Variants in CREB5 observed in about 807,000 individuals in gnomAD.
The protein encoded by CREB5 is cAMP responsive element binding protein 5.
A neutral mutation model predicts 57.1 loss-of-function variants in CREB5; 19 were observed. The observed-to-expected ratio is 0.33, with a 90% CI of 0.23 to 0.49. CREB5 has a LOEUF of 0.49. Ranked by LOEUF, CREB5 falls within the 20% of genes least tolerant of loss-of-function variation. The probability of loss-of-function intolerance (pLI) is 0.99; values close to 1 mark genes in which losing one functional copy is unlikely to be tolerated. For synonymous variants in CREB5, 238 were observed against 238.3 expected (o/e 1.00, Z 0.01); for missense variants, 579 against 671.6 (o/e 0.86, Z 1.52).
intron 4 of CREB5, among the ~76,000 whole-genome samples, chr7:28,560,894 G>C (rs1197901947): frequency 2.2e-5 from 1 of 45,820 alleles, no homozygotes; most frequent in Non-Finnish European, 3.8e-5. Context: ...GTGCGTGTGT[G>C]TGCGTGCGCG....
At chr7:28,387,447 G>A (rs2127997155) in intron 1 of CREB5, among the ~76,000 whole-genome samples, 1 of 151,296 alleles carries the variant, frequency 6.6e-6, no homozygotes, top group Admixed American at 6.6e-5. Flanking sequence ...TTGTAAATTT[G>A]TCTAAGTTCC....
chr7:28,740,025 C>A (rs546257593), intron 7 of CREB5, among the ~76,000 whole-genome samples: 15 of 152,166 alleles, frequency 9.9e-5, no homozygotes, highest in Middle Eastern at 3.4e-3. Flanking sequence ...TTTAGGGAAG[C>A]CTGAGCCAGA....
chr7:28,455,849 C>T (rs1790072415), intron 1 of CREB5, among the ~76,000 whole-genome samples: 1 of 152,138 alleles, frequency 6.6e-6, no homozygotes, highest in Non-Finnish European at 1.5e-5. Context: ...GGGTGAGAGG[C>T]CTATTTGTGC....
At chr7:28,813,660 T>A (rs550606011) in intron 9 of CREB5, among the ~76,000 whole-genome samples, 1 of 152,348 alleles carries the variant, frequency 6.6e-6, no homozygotes, top group African/African-American at 2.4e-5. Flanking sequence ...GGATTTATCA[T>A]ATAAATAATG....
intron 5 of CREB5, among the ~76,000 whole-genome samples, chr7:28,690,396 G>T (rs1409144182): frequency 1.3e-5 from 2 of 152,176 alleles, no homozygotes; most frequent in African/African-American, 4.8e-5. Context: ...GCCCTCACAT[G>T]TTTCCCTTGG....
At chr7:28,663,727 C>G (rs184536839) in intron 5 of CREB5, among the ~76,000 whole-genome samples, 29 of 152,298 alleles carry the variant, frequency 1.9e-4, no homozygotes, top group African/African-American at 6.0e-4. Context: ...TGTTTGTGAT[C>G]TGTAATAGAT....
chr7:28,367,543 C>G (rs1050029021), intron 1 of CREB5, among the ~76,000 whole-genome samples: 6 of 152,220 alleles, frequency 3.9e-5, no homozygotes, highest in Non-Finnish European at 7.3e-5. Flanking sequence ...GGCACGGTAG[C>G]TCATACCTGT....
At chr7:28,765,207 T>C (rs189016557) in intron 7 of CREB5, among the ~76,000 whole-genome samples, 250 of 152,330 alleles carry the variant, frequency 1.6e-3, no homozygotes, top group African/African-American at 5.8e-3. Context: ...AGAAACTATG[T>C]ATGGATTTGA....
chr7:28,757,969 A>C (rs903291251), intron 7 of CREB5, among the ~76,000 whole-genome samples: 25 of 152,192 alleles, frequency 1.6e-4, no homozygotes, highest in Non-Finnish European at 3.1e-4. Context: ...CTGTAGTCCC[A>C]GTAGCAGTAG....
intron 3 of CREB5, among the ~76,000 whole-genome samples, chr7:28,503,103 G>C (rs1049160442): frequency 6.6e-6 from 1 of 152,184 alleles, no homozygotes; most frequent in Non-Finnish European, 1.5e-5. Flanking sequence ...GCATTGAGCC[G>C]TATGCTTGTC....
At position 28,643,967 on chromosome 7, in the gene CREB5, G is replaced by T. The variant is rs1236586637; in HGVS notation, c.464+73430G>T. 9.2e-5 allele frequency among the ~76,000 whole-genome samples: 14 copies of T among 151,944 alleles called. 1 individual carries two copies. On this transcript the variant is annotated intron_variant, in intron 5 of 10. Transcript: ENST00000357727. ...GGTGGTGTGTACCTATAGTCCAGCT[G>T]CTAGGGAGGCTGAGGTGGGAGAATT... is the stretch of plus-strand genomic sequence containing the variant.
chr7:28,772,841 G>C (rs114675675), intron 7 of CREB5, among the ~76,000 whole-genome samples: 1 of 152,208 alleles, frequency 6.6e-6, no homozygotes, highest in African/African-American at 2.4e-5. Flanking sequence ...ATTTTGGGGC[G>C]GGCAGAGTAA....
At chr7:28,359,224 T>TTA (rs1786410613) in intron 1 of CREB5, among the ~76,000 whole-genome samples, 1 of 136,606 alleles carries the variant, frequency 7.3e-6, no homozygotes, top group Non-Finnish European at 1.6e-5. Flanking sequence ...ACAAAACAAA[T>TTA]AAAAAAAAAA....
intron 1 of CREB5, among the ~76,000 whole-genome samples, chr7:28,430,406 T>A (rs980744494): frequency 1.3e-5 from 2 of 152,158 alleles, no homozygotes; most frequent in African/African-American, 4.8e-5. Flanking sequence ...TGAGTCTCAA[T>A]CTCTTCTTCT....
intron 1 of CREB5, among the ~76,000 whole-genome samples, chr7:28,443,690 C>T (rs1464445775): frequency 6.6e-6 from 1 of 152,132 alleles, no homozygotes; most frequent in East Asian, 1.9e-4. Flanking sequence ...AGGCTCTAGG[C>T]CACTAACTTG....
intron 4 of CREB5, among the ~76,000 whole-genome samples, chr7:28,553,959 T>A (rs896350342): frequency 3.9e-5 from 6 of 152,166 alleles, no homozygotes; most frequent in African/African-American, 1.2e-4. Flanking sequence ...CACTCCAGTT[T>A]CCAACAGTAA....
At chr7:28,405,364 C>T (rs1787555916) in intron 1 of CREB5, among the ~76,000 whole-genome samples, 1 of 152,154 alleles carries the variant, frequency 6.6e-6, no homozygotes, top group Non-Finnish European at 1.5e-5. Flanking sequence ...TGAGGAGAAG[C>T]CTTCTCTAGG....
In CREB5 at chr7:28,348,165, T is replaced by G. The variant is rs564097400; in HGVS notation, c.-25+48724T>G. On this transcript the variant is annotated intron_variant, in intron 1 of 9. Transcript: ENST00000396299. ...TTCGTGTGCACAGGATCACCGGTTA[T>G]CCATGTGGCTTCTTATTCCACAAGG... 4.2e-4 allele frequency among the ~76,000 whole-genome samples: 64 copies of G among 152,250 alleles called. 2 individuals carry two copies. The South Asian group carries it at 0.013, about 31-fold the overall frequency.
At chr7:28,786,300 G>A (rs998690469) in intron 7 of CREB5, among the ~76,000 whole-genome samples, 1 of 152,128 alleles carries the variant, frequency 6.6e-6, no homozygotes, top group East Asian at 1.9e-4. Flanking sequence ...AGGCTGGAGC[G>A]CAGTGACACA....
Sources: gnomAD v4.1 joint callset for allele counts (sites outside exome capture counted in the v4.1 genomes callset) on GRCh38, gnomAD v4.1.1 for gene constraint, MANE v1.5 for transcripts, NCBI Gene and HGNC (gene_info 2026-07-23, HGNC 2026-07-21) for gene names.